The following PAPPA2 variants were observed in gnomAD, a reference collection of about 807,000 sequenced individuals.
PAPPA2 encodes pappalysin 2, also known as pappalysin-2.
PAPPA2 carries 86 observed loss-of-function variants against 176.4 expected under a neutral mutation model. The ratio of observed to expected loss-of-function variants is 0.49; its 90% confidence interval spans 0.41 to 0.58. The LOEUF (loss-of-function observed/expected upper bound fraction) is 0.58, where lower values mean the gene tolerates loss of function less well. Among genes scored for constraint, PAPPA2 ranks in the 20% least tolerant of loss-of-function variants. The pLI, the probability that PAPPA2 is intolerant of heterozygous loss-of-function variation, is 0.00. For synonymous variants in PAPPA2, 809 were observed against 852.2 expected (o/e 0.95, Z 0.88); for missense variants, 2,073 against 2,256.9 (o/e 0.92, Z 1.65).
intron 14 of PAPPA2, among the ~76,000 whole-genome samples, chr1:176,758,668 ACTG>A (rs1447522180): frequency 6.6e-6 from 1 of 152,188 alleles, no homozygotes; most frequent in Non-Finnish European, 1.5e-5. Context: ...GACCTCTGGG[ACTG>A]CTATTTAGTC....
chr1:176,736,569 T>C (rs1361521017), intron 12 of PAPPA2, among the ~76,000 whole-genome samples: 1 of 147,276 alleles, frequency 6.8e-6, no homozygotes, highest in Non-Finnish European at 1.5e-5. Context: ...TATAAATATA[T>C]TTATATTTAA....
intron 3 of PAPPA2, among the ~76,000 whole-genome samples, chr1:176,626,708 G>C (rs550510771): frequency 6.6e-6 from 1 of 152,100 alleles, no homozygotes; most frequent in Non-Finnish European, 1.5e-5. Flanking sequence ...TTGAGGGATG[G>C]GGAAAAGAAG....
intron 21 of PAPPA2, among the ~76,000 whole-genome samples, chr1:176,818,203 A>G (rs1180834571): frequency 6.6e-6 from 1 of 152,210 alleles, no homozygotes. Context: ...GACTTTTGAG[A>G]TGAAGAGACT....
intron 21 of PAPPA2, among the ~76,000 whole-genome samples, chr1:176,830,618 AAAG>A (rs1442403453): frequency 3.3e-5 from 5 of 152,242 alleles, no homozygotes. Flanking sequence ...TTGATTGTTT[AAAG>A]AAGAGAGCCA....
At chr1:176,769,052 C>T (rs550910797) in intron 15 of PAPPA2, among the ~76,000 whole-genome samples, 12 of 152,332 alleles carry the variant, frequency 7.9e-5, no homozygotes, top group Admixed American at 6.5e-4. Flanking sequence ...GGGACTCAGT[C>T]ATCACCCCTA....
chr1:176,591,771 A>T (rs965583083), intron 2 of PAPPA2, among the ~76,000 whole-genome samples: 12 of 152,108 alleles, frequency 7.9e-5, no homozygotes, highest in Non-Finnish European at 1.6e-4. Context: ...AGTATGTATC[A>T]CTGTTGCATA....
chr1:176,839,813 C>T (rs1325512473), intron 21 of PAPPA2, among the ~76,000 whole-genome samples: 1 of 152,194 alleles, frequency 6.6e-6, no homozygotes, highest in African/African-American at 2.4e-5. Context: ...ACTGCACAGG[C>T]TTTCTCCCAT....
rs116794268 is a variant in PAPPA2 at position 176,623,401 on chromosome 1, A to G, written c.1991+27806A>G. Among the ~76,000 whole-genome samples, 280 of 152,276 alleles carry G rather than the reference A, an allele frequency of 1.8e-3. 2 individuals carry two copies. Among genetic ancestry groups the G allele is most frequent in the African/African-American group, 6.7e-3 (277 of 41,552 alleles). On this transcript the variant is annotated intron_variant, in intron 3 of 22. Coordinates refer to ENST00000367662, the MANE Select transcript of PAPPA2 (RefSeq NM_020318.3). The stretch of plus-strand genomic sequence containing the variant: ...CATTGGGAAGTAAAGAGTTTCTGAA[A>G]GTCAGGAGGCCATTGAAATGAATAG...
At chr1:176,586,905 A>G (rs1002015663) in intron 2 of PAPPA2, among the ~76,000 whole-genome samples, 2 of 152,158 alleles carry the variant, frequency 1.3e-5, no homozygotes, top group Non-Finnish European at 2.9e-5. Context: ...TTACATTCCC[A>G]CCAACAGTGT....
chr1:176,702,839 A>C (rs1660724860), intron 9 of PAPPA2, 104 bp downstream of exon 9: 7 of 1,428,950 alleles, frequency 4.9e-6, no homozygotes, highest in African/African-American at 4.2e-5. Flanking sequence ...TTCTCTAAAC[A>C]GAAGTTTCAG....
At chr1:176,666,473 G>T (rs549870139) in intron 3 of PAPPA2, among the ~76,000 whole-genome samples, 57 of 152,154 alleles carry the variant, frequency 3.7e-4, no homozygotes, top group South Asian at 2.5e-3. Flanking sequence ...GAAGAAAAAT[G>T]AGAGGGTGTT....
intron 17 of PAPPA2, among the ~76,000 whole-genome samples, chr1:176,788,861 G>T (rs538844005): frequency 4.4e-4 from 67 of 152,208 alleles, no homozygotes; most frequent in African/African-American, 1.6e-3. Flanking sequence ...CTGAAAGTTA[G>T]GTTCAGAATC....
rs751462290 is a variant in PAPPA2, at chr1:176,556,309, G to T, written c.-14G>T. ...AAGTTGACTTCTGGTTCTGTAGAAA[G>T]AGCTAGGGGAGGTATGATGTGCTTA... On this transcript the variant is annotated 5_prime_UTR_variant, in exon 2 of 23. Transcript: ENST00000367662. The T allele has an allele frequency of 1.2e-6, 2 of 1,608,994 alleles. No individual in the cohort carries two copies. The highest frequency in any genetic ancestry group is 2.2e-5 in the East Asian group (1 of 44,860).
chr1:176,812,880 C>A (rs1440899051), intron 21 of PAPPA2, among the ~76,000 whole-genome samples: 2 of 151,978 alleles, frequency 1.3e-5, no homozygotes, highest in Non-Finnish European at 1.5e-5. Context: ...CAGATCAACC[C>A]ATTACCTAAG....
chr1:176,666,332 T>A (rs922459325), intron 3 of PAPPA2, among the ~76,000 whole-genome samples: 1 of 152,120 alleles, frequency 6.6e-6, no homozygotes, highest in Non-Finnish European at 1.5e-5. Flanking sequence ...CAATGACAAC[T>A]TTAATGAAAG....
intron 10 of PAPPA2, among the ~76,000 whole-genome samples, chr1:176,707,512 T>C (rs1310926347): frequency 6.6e-6 from 1 of 152,184 alleles, no homozygotes; most frequent in African/African-American, 2.4e-5. Context: ...ACAGCTTCTC[T>C]GTCTTACAGA....
At chr1:176,841,150 C>A (rs1021569232) in intron 22 of PAPPA2, among the ~76,000 whole-genome samples, 2 of 152,130 alleles carry the variant, frequency 1.3e-5, no homozygotes, top group African/African-American at 4.8e-5. Flanking sequence ...GCTCTAAAAA[C>A]CAATAAATCC....
rs764852830 is a variant in PAPPA2, at chr1:176,560,428, G to A, written c.919+3187G>A. On this transcript the variant is annotated intron_variant, in intron 2 of 22. Coordinates refer to ENST00000367662, the MANE Select transcript of PAPPA2 (RefSeq NM_020318.3). ...CTCTCTGGCCCTCAGAAGGCGAGAC[G>A]TGGTACCTGGGTCCCTGCAAGGTAG... is the stretch of plus-strand genomic sequence containing the variant. 7.9e-5 allele frequency among the ~76,000 whole-genome samples: 12 copies of A among 152,216 alleles called. 1 individual carries two copies. Among genetic ancestry groups the A allele is most frequent in the Non-Finnish European group, 1.6e-4 (11 of 68,038 alleles).
At chr1:176,582,088 TA>T (rs1445089977) in intron 2 of PAPPA2, among the ~76,000 whole-genome samples, 1 of 151,290 alleles carries the variant, frequency 6.6e-6, no homozygotes, top group Admixed American at 6.6e-5. Context: ...CACGCCCGGC[TA>T]ATTTTTTTTT....
Sources: allele counts gnomAD v4.1 joint callset (sites outside exome capture counted in the v4.1 genomes callset), GRCh38; gene constraint gnomAD v4.1.1; transcripts MANE v1.5; gene names NCBI Gene and HGNC (gene_info 2026-07-23, HGNC 2026-07-21).